The following CHD9 variants were observed in gnomAD, a reference collection of about 807,000 sequenced individuals.
CHD9 encodes chromodomain helicase DNA binding protein 9, also known as ATP-dependent chromatin remodeler CHD9.
Under a neutral mutation model 316.1 loss-of-function variants are expected in CHD9, and 77 were observed. The ratio of observed to expected loss-of-function variants is 0.24; its 90% CI spans 0.20 to 0.29. The LOEUF is 0.29. Ranked by LOEUF, CHD9 falls within the 10% of genes least tolerant of loss-of-function variation. CHD9 has a pLI of 1.00. For missense variants in CHD9, 2,763 were observed against 3,438.1 expected, an observed-to-expected ratio of 0.80 and a Z score of 4.91; for synonymous variants, 1,129 against 1,158.3, an observed-to-expected ratio of 0.97 and a Z score of 0.51.
intron 17 of CHD9, among the ~76,000 whole-genome samples, chr16:53,252,192 A>G (rs2050184377): frequency 6.6e-6 from 1 of 152,246 alleles, no homozygotes; most frequent in Admixed American, 6.5e-5. Flanking sequence ...TGGTACTGGT[A>G]TAAAAATAGA....
At chr16:53,310,664 A>G (rs963154628) in intron 34 of CHD9, 1 of 151,206 alleles carries the variant, frequency 6.6e-6, no homozygotes, top group Non-Finnish European at 1.5e-5. Context: ...CCTAACTGAC[A>G]TGGTGAAACC....
At chr16:53,226,981 C>A (rs2047711553) in intron 5 of CHD9, among the ~76,000 whole-genome samples, 1 of 152,054 alleles carries the variant, frequency 6.6e-6, no homozygotes, top group African/African-American at 2.4e-5. Flanking sequence ...TATGTGCTTC[C>A]CTCGTCTATG....
At chr16:53,322,156 C>G (rs2057319231) in intron 38 of CHD9, among the ~76,000 whole-genome samples, 1 of 151,520 alleles carries the variant, frequency 6.6e-6, no homozygotes, top group South Asian at 2.1e-4. Context: ...ACCAACACAC[C>G]CTGCTAATTT....
chr16:53,242,746 G>T lies in CHD9; in HGVS notation c.2878-94G>T, dbSNP rs957725121. On this transcript the variant is annotated intron_variant, in intron 12 of 38. Coordinates refer to ENST00000447540, the MANE Select transcript of CHD9 (RefSeq NM_001308319.2). ...CATATGTAAAAATTTCATTAGAAAT[G>T]TTTTATAACAGATGTTATCTGATGC... The T allele has an allele frequency of 2.0e-5, 22 of 1,118,084 alleles. No homozygotes were observed. In the Admixed American group the frequency reaches 4.9e-4, roughly 25 times the overall value. 69.3% of individuals were successfully genotyped at this position (1,118,084 alleles called of 1,614,324 possible). A position where few individuals can be genotyped will look rare whatever the true frequency, so the allele number is the denominator to read the frequency against.
At chr16:53,179,291 A>G (rs2043311187) in intron 2 of CHD9, among the ~76,000 whole-genome samples, 1 of 151,026 alleles carries the variant, frequency 6.6e-6, no homozygotes, top group Admixed American at 6.6e-5. Context: ...TCCAAATTCA[A>G]GTTTTCCCAG....
At chr16:53,284,436 A>C (rs2053683533) in intron 24 of CHD9, among the ~76,000 whole-genome samples, 1 of 151,938 alleles carries the variant, frequency 6.6e-6, no homozygotes, top group South Asian at 2.1e-4. Flanking sequence ...AATCATTGTC[A>C]GATATTAACT....
At chr16:53,222,410 G>A (rs957358365) in intron 3 of CHD9, among the ~76,000 whole-genome samples, 4 of 152,122 alleles carry the variant, frequency 2.6e-5, no homozygotes, top group Non-Finnish European at 5.9e-5. Context: ...TACATTAATT[G>A]TACTTCTGAG....
At chr16:53,085,844 G>A (rs2035419001) in intron 1 of CHD9, among the ~76,000 whole-genome samples, 1 of 152,142 alleles carries the variant, frequency 6.6e-6, no homozygotes, top group African/African-American at 2.4e-5. Flanking sequence ...TGATTTCCCA[G>A]GTTATTGAGG....
At chr16:53,171,974 G>C (rs1460081034) in intron 2 of CHD9, among the ~76,000 whole-genome samples, 5 of 151,130 alleles carry the variant, frequency 3.3e-5, no homozygotes, top group Non-Finnish European at 5.9e-5. Context: ...TATGCTTTTA[G>C]TTTTGTACTC....
intron 28 of CHD9, 82 bp from the exon 29 acceptor site, chr16:53,292,751 A>C: frequency 1.8e-6 from 2 of 1,137,568 alleles, no homozygotes; most frequent in South Asian, 2.8e-5. Flanking sequence ...TGAATTAAAA[A>C]TTTTTAAAGT....
intron 1 of CHD9, among the ~76,000 whole-genome samples, chr16:53,109,690 T>TTTTTTC (rs1597017675): frequency 7.6e-5 from 8 of 105,926 alleles, no homozygotes; most frequent in African/African-American, 2.6e-4. Context: ...TTTTTTTTTT[T>TTTTTTC]TTTTTTTTTT....
intron 29 of CHD9, among the ~76,000 whole-genome samples, chr16:53,296,434 A>ATTTTTTT (rs35618799): frequency 1.6e-4 from 16 of 101,760 alleles, no homozygotes; most frequent in Non-Finnish European, 2.6e-4. Flanking sequence ...TTAAAAGTAA[A>ATTTTTTT]TTTTTTTTTT....
chr16:53,061,393 G>A (rs2032886668), intron 1 of CHD9, among the ~76,000 whole-genome samples: 1 of 152,172 alleles, frequency 6.6e-6, no homozygotes, highest in African/African-American at 2.4e-5. Context: ...ATCTCACTGG[G>A]CAACTCATTC....
chr16:53,267,892 C>T, intron 21 of CHD9, 35 bp from the exon 22 acceptor site: 1 of 1,556,636 alleles, frequency 6.4e-7, no homozygotes, highest in Non-Finnish European at 8.8e-7. Context: ...TAGAACTTGA[C>T]TCAATATCAA....
intron 31 of CHD9, among the ~76,000 whole-genome samples, chr16:53,304,986 G>T (rs4784302): frequency 0.12 from 17,842 of 147,830 alleles, 1,255 homozygotes; most frequent in South Asian, 0.24. Context: ...GAGCCACCAG[G>T]CCTGGCCTAA....
chr16:53,142,477 G>A (rs150783389), intron 1 of CHD9, among the ~76,000 whole-genome samples: 1 of 152,248 alleles, frequency 6.6e-6, no homozygotes, highest in Non-Finnish European at 1.5e-5. Flanking sequence ...AACAGACTGA[G>A]GTTTGTTTGT....
At chr16:53,268,519 G>C (rs2051911942) in intron 22 of CHD9, among the ~76,000 whole-genome samples, 3 of 152,158 alleles carry the variant, frequency 2.0e-5, no homozygotes, top group Admixed American at 2.0e-4. Context: ...TTTCAGAGAA[G>C]ATCCATGTAC....
chr16:53,082,474 C>T (rs765610424), intron 1 of CHD9, among the ~76,000 whole-genome samples: 2 of 152,206 alleles, frequency 1.3e-5, no homozygotes, highest in Admixed American at 6.5e-5. Flanking sequence ...CTCTTAGGCT[C>T]AGGTGATCTT....
intron 1 of CHD9, among the ~76,000 whole-genome samples, chr16:53,105,438 A>G (rs1292352143): frequency 1.3e-5 from 2 of 152,136 alleles, no homozygotes; most frequent in African/African-American, 4.8e-5. Flanking sequence ...AAATTATTCT[A>G]TTAGTAATTT....
Sources: gnomAD v4.1 joint callset for allele counts (sites outside exome capture counted in the v4.1 genomes callset) on GRCh38, gnomAD v4.1.1 for gene constraint, MANE v1.5 for transcripts, NCBI Gene and HGNC (gene_info 2026-07-23, HGNC 2026-07-21) for gene names.